CHRNA2: variants seen among roughly 807,000 people sequenced by gnomAD.
CHRNA2 encodes the protein cholinergic receptor nicotinic alpha 2 subunit.
CHRNA2 carries 40 observed loss-of-function variants against 45.5 expected under a neutral mutation model. The ratio of observed to expected loss-of-function variants is 0.88; its 90% CI spans 0.68 to 1.15. CHRNA2 has a LOEUF of 1.15. CHRNA2 is among the 50% of genes most tolerant of loss of function. The pLI is 0.00. For synonymous variants in CHRNA2, 301 were observed against 296.7 expected (o/e 1.01, Z -0.15); for missense variants, 655 against 701.7 (o/e 0.93, Z 0.75).
intron 5 of CHRNA2, among the ~76,000 whole-genome samples, chr8:27,466,373 G>A: frequency 6.6e-6 from 1 of 152,310 alleles, no homozygotes; most frequent in Admixed American, 6.5e-5. Flanking sequence ...GGGTGTCTTT[G>A]CTGCAGAACT....
chr8:27,475,903 C>T (rs1219052747), intron 1 of CHRNA2, among the ~76,000 whole-genome samples: 1 of 152,130 alleles, frequency 6.6e-6, no homozygotes, highest in Admixed American at 6.5e-5. Flanking sequence ...TTCACCTCTT[C>T]CCTCCAGCCC....
intron 1 of CHRNA2, among the ~76,000 whole-genome samples, chr8:27,476,044 G>A (rs149854022): frequency 1.3e-3 from 197 of 152,354 alleles, no homozygotes; most frequent in African/African-American, 4.5e-3. Flanking sequence ...TTGGGGAGCA[G>A]CACTGCATCA....
chr8:27,462,818 TGTGCTCTC>T lies in CHRNA2; in HGVS notation c.1464+153_1464+160del, dbSNP rs377465471. 4.7e-3 allele frequency among the ~76,000 whole-genome samples: 721 copies of T among 152,322 alleles called. 1 individual carries two copies. Among genetic ancestry groups the T allele is most frequent in the Non-Finnish European group, 6.9e-3 (468 of 68,024 alleles). ...AACGTCCTCAAAGCGGCCAGCTACA[TGTGCTCTC>T]TTGCTATTTATTCCATCTAAGGACC... On this transcript the variant is annotated intron_variant, in intron 6 of 6. Coordinates refer to ENST00000407991, the MANE Select transcript of CHRNA2 (RefSeq NM_000742.4).
intron 1 of CHRNA2, among the ~76,000 whole-genome samples, chr8:27,477,464 T>G (rs1813096229): frequency 6.6e-6 from 1 of 152,122 alleles, no homozygotes; most frequent in Non-Finnish European, 1.5e-5. Flanking sequence ...CATGCTAACA[T>G]TGCATCATTT....
At chr8:27,469,597 G>A (rs1320961105) in intron 3 of CHRNA2, 164 bp downstream of exon 3, 2 of 917,068 alleles carry the variant, frequency 2.2e-6, no homozygotes, top group Middle Eastern at 2.5e-4. Flanking sequence ...CTCCAGAGCT[G>A]GGAGAGGGGA....
At chr8:27,477,662 T>C (rs1405590315) in intron 1 of CHRNA2, among the ~76,000 whole-genome samples, 2 of 151,912 alleles carry the variant, frequency 1.3e-5, no homozygotes, top group East Asian at 3.9e-4. Flanking sequence ...TGACAGTAAT[T>C]AGAGGGAACT....
At chr8:27,469,564 A>G (rs1002818189) in intron 3 of CHRNA2, 185 bp from the exon 4 acceptor site, 1 of 866,186 alleles carries the variant, frequency 1.2e-6, no homozygotes, top group Non-Finnish European at 1.9e-6. Flanking sequence ...ACTGCTGCCA[A>G]TCAATGCCCT....
chr8:27,473,810 C>A (rs1025643817), intron 1 of CHRNA2, among the ~76,000 whole-genome samples: 2 of 152,194 alleles, frequency 1.3e-5, no homozygotes, highest in African/African-American at 4.8e-5. Context: ...TCATCCCCCC[C>A]GTCCACTCTG....
Position 27,470,909 on chromosome 8 carries a change from C to A in CHRNA2, c.73+77G>T, listed in dbSNP as rs894960501. Reference sequence around the variant, plus strand: ...GCTTTGACGGTTGCAACACATCCACCTGCAGACTCCTTCCTACAATTTGTG... The same window carrying A: ...GCTTTGACGGTTGCAACACATCCACATGCAGACTCCTTCCTACAATTTGTG... On this transcript the variant is annotated intron_variant, in intron 2 of 6. Transcript: ENST00000407991. 21 of 1,480,728 alleles carry A rather than the reference C, an allele frequency of 1.4e-5. No individual in the cohort carries two copies. In the Admixed American group the frequency reaches 3.6e-4, roughly 25 times the overall value. The allele number at this position is 1,480,728 out of a possible 1,614,324, so 91.7% of individuals were successfully genotyped here. A position where few individuals can be genotyped will look rare whatever the true frequency, so the allele number is the denominator to read the frequency against.
In CHRNA2 at chr8:27,463,570, G is replaced by A. The variant is rs76140563; in HGVS notation, c.873C>T (p.Ser291=). 79 of 1,614,098 alleles carry A rather than the reference G, an allele frequency of 4.9e-5. 1 individual carries two copies. Among genetic ancestry groups the A allele is most frequent in the Non-Finnish European group, 6.2e-5 (73 of 1,180,042 alleles). ...ACAGCGTGATCTTCTCGCCGCAGTC[G>A]GAGGGCAGGTAGAAGACCAGCACAG... ...CLTVLVFYLP[S]DCGEKITLCI... The change falls in exon 6 of 7, where the codon TCC becomes TCT. Residue 291 remains serine, a synonymous_variant. Coordinates refer to ENST00000407991, the MANE Select transcript of CHRNA2 (RefSeq NM_000742.4). This position sits in a 1 kb window ranked among gnomAD's most constrained non-coding sequence, Gnocchi z 6.1.
chr8:27,464,968 G>C (rs1812652666), intron 5 of CHRNA2, among the ~76,000 whole-genome samples: 2 of 152,150 alleles, frequency 1.3e-5, no homozygotes, highest in Admixed American at 1.3e-4. Flanking sequence ...CAGACCCTTT[G>C]GGGGAAAACT....
chr8:27,469,860 G>C lies in CHRNA2; in HGVS notation c.195C>G (p.His65Gln). Residue 65 changes from histidine (H) to glutamine (Q), a missense_variant, in exon 3 of 7, where the codon CAC (histidine) becomes CAG (glutamine). Coordinates refer to ENST00000407991, the MANE Select transcript of CHRNA2 (RefSeq NM_000742.4). ...HTETEDRLFKHLFRGYNRWAR... is the reference protein window; with the variant it reads ...HTETEDRLFKQLFRGYNRWAR... ...CCCAGCGGTTGTAGCCCCGGAAGAG[G>C]TGTTTGAAGAGCCGGTCCTCAGTCT... 1 of 1,614,174 alleles carries C rather than the reference G, an allele frequency of 6.2e-7. No individual in the cohort carries two copies. The highest frequency in any genetic ancestry group is 8.5e-7 in the Non-Finnish European group (1 of 1,180,036).
At chr8:27,466,740 T>C (rs1054103972) in intron 5 of CHRNA2, among the ~76,000 whole-genome samples, 3 of 152,228 alleles carry the variant, frequency 2.0e-5, no homozygotes, top group Admixed American at 2.0e-4. Flanking sequence ...CTCTGCCTTC[T>C]ATTAACTTCT....
chr8:27,464,059 G>C, intron 5 of CHRNA2, 66 bp from the exon 6 acceptor site: 3 of 1,590,232 alleles, frequency 1.9e-6, no homozygotes, highest in Non-Finnish European at 2.6e-6. Flanking sequence ...GCTACTCAGA[G>C]AGCTGGCAGC....
Position 27,463,361 on chromosome 8 carries a change from G to A in CHRNA2, c.1082C>T (p.Thr361Ile), listed in dbSNP as rs1182551223. The A allele has an allele frequency of 3.1e-6, 5 of 1,614,070 alleles. No individual in the cohort carries two copies. The highest frequency in any genetic ancestry group is 2.2e-5 in the East Asian group (1 of 44,876). ...GGCCCCCCGCACCCAGTGGGGCATG[G>A]TGTGGGTGCTGGGGGAGCGGTGGTG... ...NVHHRSPSTH[T>I]MPHWVRGALL... The change falls in exon 6 of 7, where the codon ACC (threonine) becomes ATC (isoleucine). Residue 361 changes from threonine (T) to isoleucine (I), a missense_variant. Coordinates refer to ENST00000407991, the MANE Select transcript of CHRNA2 (RefSeq NM_000742.4). The surrounding 1 kb of genome is among the most constrained non-coding windows in gnomAD (Gnocchi z 6.1).
chr8:27,475,599 G>GA (rs1813037636), intron 1 of CHRNA2: 1 of 152,022 alleles, frequency 6.6e-6, no homozygotes, highest in South Asian at 2.1e-4. Context: ...TTGGGATGAT[G>GA]AAAAAAATCT....
Position 27,461,530 on chromosome 8 carries a change from C to A in CHRNA2, c.*99G>T. 1 of 1,550,700 alleles carries A rather than the reference C, an allele frequency of 6.4e-7. No individual in the cohort carries two copies. The highest frequency in any genetic ancestry group is 2.3e-5 in the East Asian group (1 of 44,136). Reference sequence around the variant, plus strand: ...AGTGTCCAGACTCCGCGGAGAGGCACCTGCTCATCCCAAAGGGGACACCAG... The same window carrying A: ...AGTGTCCAGACTCCGCGGAGAGGCAACTGCTCATCCCAAAGGGGACACCAG... On this transcript the variant is annotated 3_prime_UTR_variant, in exon 7 of 7. Transcript: ENST00000407991.
chr8:27,471,123 C>T lies in CHRNA2; in HGVS notation c.-65G>A, dbSNP rs553788971. 16 of 1,442,362 alleles carry T rather than the reference C, an allele frequency of 1.1e-5. No individual in the cohort carries two copies. Among genetic ancestry groups the T allele is most frequent in the Admixed American group, 3.4e-5 (2 of 58,300 alleles). The allele number at this position is 1,442,362 out of a possible 1,614,324, so 89.3% of individuals were successfully genotyped here. On this transcript the variant is annotated 5_prime_UTR_variant, in exon 2 of 7. Transcript: ENST00000407991. ...CTGTGGGTTGCACCATGGACCATGTCCCCAGCAGAGCTGCTGCTGGATTCT... is the reference window on the plus strand; with the variant it reads ...CTGTGGGTTGCACCATGGACCATGTTCCCAGCAGAGCTGCTGCTGGATTCT...
At chr8:27,462,798 C>T (rs1812537988) in intron 6 of CHRNA2, among the ~76,000 whole-genome samples, 181 bp downstream of exon 6, 2 of 152,206 alleles carry the variant, frequency 1.3e-5, no homozygotes, top group Admixed American at 1.3e-4. Flanking sequence ...CAATAAACGT[C>T]CTCAAAGCGG....
Sources: gnomAD v4.1 joint callset for allele counts (sites outside exome capture counted in the v4.1 genomes callset) on GRCh38, gnomAD v4.1.1 for gene constraint, Gnocchi (gnomAD v3.1) non-coding constraint, MANE v1.5 for transcripts, NCBI Gene and HGNC (gene_info 2026-07-23, HGNC 2026-07-21) for gene names.